Variants in LAMA3 observed in about 807,000 individuals in gnomAD.
LAMA3 encodes the protein laminin subunit alpha 3.
In LAMA3, 281 loss-of-function variants were observed where a neutral mutation model predicts 402.0. The ratio of observed to expected loss-of-function variants is 0.70; its 90% CI spans 0.63 to 0.77. LAMA3 has a LOEUF of 0.77. LAMA3 is among the 30% of genes least tolerant of loss of function. LAMA3 has a pLI of 0.00. For missense variants in LAMA3, 3,840 were observed against 4,215.5 expected (o/e 0.91, Z 2.47); for synonymous variants, 1,431 against 1,558.4 (o/e 0.92, Z 1.93).
intron 29 of LAMA3, among the ~76,000 whole-genome samples, chr18:23,843,793 C>T (rs1011058517): frequency 2.0e-5 from 3 of 152,198 alleles, no homozygotes; most frequent in African/African-American, 7.2e-5. Context: ...CCCTACTCCA[C>T]GCCTCCCACA....
chr18:23,834,863 G>A (rs1025702960), intron 24 of LAMA3: 3 of 152,216 alleles, frequency 2.0e-5, no homozygotes, highest in African/African-American at 7.2e-5. Context: ...ACTTTTAGTA[G>A]CTTAGAATGG....
rs1342418803 is a variant in LAMA3, at chr18:23,881,865, T to C, written c.5113-71T>C. The C allele has an allele frequency of 4.1e-6, 4 of 982,160 alleles. No homozygotes were observed. In the African/African-American group the frequency reaches 6.4e-5, roughly 16 times the overall value. 60.8% of individuals were successfully genotyped at this position (982,160 alleles called of 1,614,324 possible). Reference sequence around the variant, plus strand: ...CTTGAGTTGTAGTCATGTGACTAAGTAAGATTACAATAATCTCAGAAGTAG... The same window carrying C: ...CTTGAGTTGTAGTCATGTGACTAAGCAAGATTACAATAATCTCAGAAGTAG... On this transcript the variant is annotated intron_variant, in intron 39 of 74. Coordinates refer to ENST00000313654, the MANE Select transcript of LAMA3 (RefSeq NM_198129.4).
chr18:23,809,405 T>C (rs2063023236), intron 12 of LAMA3, among the ~76,000 whole-genome samples: 1 of 152,220 alleles, frequency 6.6e-6, no homozygotes, highest in Non-Finnish European at 1.5e-5. Context: ...AACTTCACCA[T>C]GTAATAATGG....
intron 40 of LAMA3, 61 bp from the exon 41 acceptor site, chr18:23,884,712 A>AC: frequency 1.4e-6 from 2 of 1,419,058 alleles, no homozygotes; most frequent in South Asian, 2.3e-5. Flanking sequence ...TGTGGTAAAA[A>AC]ATAAGCATAA....
intron 32 of LAMA3, among the ~76,000 whole-genome samples, chr18:23,850,228 T>C (rs1004731554): frequency 2.6e-5 from 4 of 152,234 alleles, no homozygotes; most frequent in Admixed American, 2.6e-4. Flanking sequence ...AATTCTCAAA[T>C]TGTATTTAAC....
At chr18:23,947,532 G>T (rs906334902) in intron 70 of LAMA3, among the ~76,000 whole-genome samples, 1 of 152,132 alleles carries the variant, frequency 6.6e-6, no homozygotes, top group Non-Finnish European at 1.5e-5. Context: ...GGCTGCCCTA[G>T]CCTTGACCAG....
At chr18:23,778,827 A>C (rs1449657737) in intron 11 of LAMA3, among the ~76,000 whole-genome samples, 1 of 152,210 alleles carries the variant, frequency 6.6e-6, no homozygotes, top group Non-Finnish European at 1.5e-5. Context: ...ATGGTTTCTG[A>C]AGAGCTCTCC....
Position 23,773,687 on chromosome 18 carries a change from T to C in LAMA3, c.1273+100T>C, listed in dbSNP as rs1186818566. On this transcript the variant is annotated intron_variant, in intron 9 of 74. Coordinates refer to ENST00000313654, the MANE Select transcript of LAMA3 (RefSeq NM_198129.4). ...TCAGTTAATAACTTCCTTCATGCCC[T>C]CTCTCTTCAGAGTATTAGTTGTGCT... The C allele has an allele frequency of 4.0e-6, 3 of 758,032 alleles. No individual in the cohort carries two copies. In the African/African-American group the frequency reaches 5.2e-5, roughly 13 times the overall value. The allele number at this position is 758,032 out of a possible 1,614,324, so 47.0% of individuals were successfully genotyped here.
chr18:23,882,447 T>C (rs2064930953), intron 40 of LAMA3, among the ~76,000 whole-genome samples: 1 of 151,976 alleles, frequency 6.6e-6, no homozygotes, highest in South Asian at 2.1e-4. Flanking sequence ...CTGGCCAACA[T>C]GGTGAAACCC....
Position 23,814,575 on chromosome 18 carries a change from C to A in LAMA3, c.1888+73C>A, listed in dbSNP as rs1013679606. ...ATTTTCTCTGCCTCAGTGACTAAAT[C>A]CACAAAAGAGCTATTTGTTGAATCA... On this transcript the variant is annotated intron_variant, in intron 15 of 74. Transcript: ENST00000313654. 3 of 937,450 alleles carry A rather than the reference C, an allele frequency of 3.2e-6. No individual in the cohort carries two copies. The African/African-American group carries it at 4.9e-5, about 15-fold the overall frequency. 58.1% of individuals were successfully genotyped at this position (937,450 alleles called of 1,614,324 possible).
intron 18 of LAMA3, among the ~76,000 whole-genome samples, chr18:23,817,923 G>A (rs915987235): frequency 2.2e-4 from 34 of 152,218 alleles, no homozygotes; most frequent in African/African-American, 8.2e-4. Flanking sequence ...GGGGGCCGAG[G>A]TGGGCGGATC....
chr18:23,822,861 C>A (rs2063312776), intron 20 of LAMA3, among the ~76,000 whole-genome samples: 1 of 152,158 alleles, frequency 6.6e-6, no homozygotes, highest in Non-Finnish European at 1.5e-5. Flanking sequence ...AGCTGCAAAC[C>A]TGACTCAGGG....
At chr18:23,814,641 C>A in intron 15 of LAMA3, 139 bp downstream of exon 15, 1 of 656,000 alleles carries the variant, frequency 1.5e-6, no homozygotes. Context: ...CTGATGTTTT[C>A]CCCCCACTTT....
intron 1 of LAMA3, among the ~76,000 whole-genome samples, chr18:23,704,804 C>T (rs2060855562): frequency 6.6e-6 from 1 of 152,130 alleles, no homozygotes; most frequent in South Asian, 2.1e-4. Flanking sequence ...CTATAATCAT[C>T]CTCTAGCTTC....
intron 12 of LAMA3, among the ~76,000 whole-genome samples, chr18:23,806,211 A>G (rs1225400543): frequency 1.3e-5 from 2 of 152,212 alleles, no homozygotes; most frequent in African/African-American, 4.8e-5. Context: ...CTGGGGCCCA[A>G]TTACCCCCAT....
chr18:23,697,705 C>T (rs1182995524), intron 1 of LAMA3, among the ~76,000 whole-genome samples: 1 of 121,420 alleles, frequency 8.2e-6, no homozygotes, highest in Non-Finnish European at 1.6e-5. Context: ...TACCCGCCCC[C>T]CGCCCCAAAA....
At chr18:23,853,052 C>G (rs999831173) in intron 32 of LAMA3, among the ~76,000 whole-genome samples, 2 of 152,198 alleles carry the variant, frequency 1.3e-5, no homozygotes, top group African/African-American at 4.8e-5. Context: ...CCCTTAATTT[C>G]CACATTCTAG....
chr18:23,950,155 G>A lies in LAMA3; in HGVS notation c.9638G>A (p.Gly3213Glu), dbSNP rs886292467. 2 of 1,614,096 alleles carry A rather than the reference G, an allele frequency of 1.2e-6. No homozygotes were observed. The highest frequency in any genetic ancestry group is 1.7e-6 in the Non-Finnish European group (2 of 1,179,986). Residue 3213 changes from glycine (G) to glutamate (E), a missense_variant, in exon 72 of 75, where the codon GGA becomes GAA. Physicochemically the swap from Gly to Glu is moderately conservative, Grantham distance 98 (BLOSUM62 -2). Transcript: ENST00000313654. ...GKHLCVYLEA[G>E]KVTASMDSGA... ...CACTTATGTGTTTACCTGGAGGCAG[G>A]AAAGGTGTGTAGCAGTCTGATGCCA...
rs1280896652 is a variant in LAMA3, at chr18:23,864,801, G to C, written c.4601G>C (p.Gly1534Ala). The C allele has an allele frequency of 6.2e-7, 1 of 1,611,592 alleles. No individual in the cohort carries two copies. Among genetic ancestry groups the C allele is most frequent in the Non-Finnish European group, 8.5e-7 (1 of 1,178,090 alleles). The change falls in exon 36 of 75, where the codon GGT (glycine) becomes GCT (alanine). Residue 1534 changes from glycine (G) to alanine (A), a missense_variant. Transcript: ENST00000313654. ...YLGDKVSSYG[G>A]YLTYQAKSFG... ...CCATTTTAGGTTTCTTCATATGGTG[G>C]TTACCTCACTTACCAAGCCAAGTCC...
Sources: gnomAD v4.1 joint callset for allele counts (sites outside exome capture counted in the v4.1 genomes callset) on GRCh38, gnomAD v4.1.1 for gene constraint, MANE v1.5 for transcripts, NCBI Gene and HGNC (gene_info 2026-07-23, HGNC 2026-07-21) for gene names.